The following NPEPPS variants were observed in gnomAD, a reference collection of about 807,000 sequenced individuals.
NPEPPS encodes the protein puromycin-sensitive aminopeptidase.
A neutral mutation model predicts 115.5 loss-of-function variants in NPEPPS; 14 were observed. That is an observed-to-expected ratio of 0.12 (90% confidence interval 0.08 to 0.19). The LOEUF is 0.19. Ranked by LOEUF, NPEPPS falls within the 10% of genes least tolerant of loss-of-function variation. The probability of loss-of-function intolerance (pLI) is 1.00; values close to 1 mark genes in which losing one functional copy is unlikely to be tolerated. For missense variants in NPEPPS, 523 were observed against 1,110.8 expected (o/e 0.47, Z 7.52); for synonymous variants, 285 against 390.6 (o/e 0.73, Z 3.19).
At chr17:47,563,379 A>G (rs1382940698) in intron 2 of NPEPPS, among the ~76,000 whole-genome samples, 2 of 152,086 alleles carry the variant, frequency 1.3e-5, no homozygotes, top group African/African-American at 4.8e-5. Context: ...TTTTACTTCT[A>G]TTTAATAGAT....
chr17:47,541,749 A>G (rs1437540404), intron 1 of NPEPPS, among the ~76,000 whole-genome samples: 1 of 152,172 alleles, frequency 6.6e-6, no homozygotes, highest in Non-Finnish European at 1.5e-5. Flanking sequence ...CTTTAGTGCT[A>G]TAAATCGCCA....
intron 13 of NPEPPS, 43 bp from the exon 14 acceptor site, chr17:47,599,633 A>G: frequency 6.6e-7 from 1 of 1,507,556 alleles, no homozygotes; most frequent in Non-Finnish European, 9.0e-7. Flanking sequence ...CCAAAACCCC[A>G]GATGGTGTCA....
intron 1 of NPEPPS, among the ~76,000 whole-genome samples, chr17:47,534,599 C>T (rs924499885): frequency 6.6e-6 from 1 of 152,016 alleles, no homozygotes; most frequent in African/African-American, 2.4e-5. Flanking sequence ...CGCTCTTTCT[C>T]CCAGGCTGGA....
At chr17:47,586,749 A>G (rs1437907286) in intron 8 of NPEPPS, 2 of 478,292 alleles carry the variant, frequency 4.2e-6, no homozygotes, top group Non-Finnish European at 8.2e-6. Context: ...ACCACAACAT[A>G]AACATGTGAG....
At chr17:47,576,843 C>A (rs1183421527) in intron 3 of NPEPPS, among the ~76,000 whole-genome samples, 2 of 152,042 alleles carry the variant, frequency 1.3e-5, no homozygotes, top group African/African-American at 4.8e-5. Flanking sequence ...TAAAATTAGA[C>A]AATTTGGCAA....
intron 17 of NPEPPS, among the ~76,000 whole-genome samples, chr17:47,606,275 A>G (rs149658893): frequency 2.6e-5 from 4 of 152,176 alleles, no homozygotes; most frequent in African/African-American, 7.2e-5. Context: ...GATTATTTCT[A>G]TAAGCATATA....
At chr17:47,562,211 T>A (rs1203441393) in intron 2 of NPEPPS, among the ~76,000 whole-genome samples, 1 of 152,248 alleles carries the variant, frequency 6.6e-6, no homozygotes, top group Admixed American at 6.5e-5. Flanking sequence ...ATGGGAACAC[T>A]GACTTGAAGC....
At chr17:47,527,472 G>A (rs1907481030), upstream of NPEPPS, among the ~76,000 whole-genome samples, 1 of 151,708 alleles carries the variant, frequency 6.6e-6, no homozygotes, top group Admixed American at 6.6e-5. Flanking sequence ...CAACAAGAGT[G>A]AAACTCCATC....
At chr17:47,525,152 G>C (rs1449761321) in intron 1 of NPEPPS, among the ~76,000 whole-genome samples, 1 of 152,064 alleles carries the variant, frequency 6.6e-6, no homozygotes, top group African/African-American at 2.4e-5. Context: ...TGGTCATCCA[G>C]TCATATTTAA....
chr17:47,544,711 C>CTTT (rs938067387), intron 1 of NPEPPS, among the ~76,000 whole-genome samples: 35 of 114,214 alleles, frequency 3.1e-4, no homozygotes, highest in Admixed American at 5.1e-4. Context: ...TTTTTGTATT[C>CTTT]TTTTTTTTTT....
intron 19 of NPEPPS, among the ~76,000 whole-genome samples, chr17:47,617,035 T>C (rs1914251593): frequency 6.6e-6 from 1 of 152,088 alleles, no homozygotes; most frequent in Admixed American, 6.6e-5. Flanking sequence ...AATTACAACA[T>C]TTTGTTTCTA....
In NPEPPS at chr17:47,603,902, G is replaced by T. The variant is rs1326822201; in HGVS notation, c.1741-13G>T. 3 of 1,596,522 alleles carry T rather than the reference G, an allele frequency of 1.9e-6. No individual in the cohort carries two copies. The highest frequency in any genetic ancestry group is 2.6e-6 in the Non-Finnish European group (3 of 1,170,626). Reference sequence around the variant, plus strand: ...TGGAGCTGTTTAATAGTACTTACTGGATATCTTTGCAGTTAAACTTAGGAA... The same window carrying T: ...TGGAGCTGTTTAATAGTACTTACTGTATATCTTTGCAGTTAAACTTAGGAA... On this transcript the variant is annotated splice_polypyrimidine_tract_variant and intron_variant, in intron 15 of 22. Transcript: ENST00000322157.
At chr17:47,529,497 C>T (rs1220271559), upstream of NPEPPS, among the ~76,000 whole-genome samples, 2 of 148,774 alleles carry the variant, frequency 1.3e-5, no homozygotes, top group African/African-American at 5.0e-5. Flanking sequence ...CTCCGCCTCC[C>T]GGGTTCAAGC....
intron 2 of NPEPPS, among the ~76,000 whole-genome samples, chr17:47,555,735 AC>A (rs1317253507): frequency 2.0e-5 from 3 of 151,434 alleles, no homozygotes; most frequent in Non-Finnish European, 4.4e-5. Flanking sequence ...ATTAGTAGAA[AC>A]TGATGTTTTC....
At chr17:47,618,743 T>A (rs755020247) in intron 20 of NPEPPS, among the ~76,000 whole-genome samples, 2 of 152,244 alleles carry the variant, frequency 1.3e-5, no homozygotes, top group Non-Finnish European at 2.9e-5. Context: ...ACTTTGTGTC[T>A]CTTCCTTTCT....
chr17:47,536,478 T>A (rs1244898079), intron 1 of NPEPPS, among the ~76,000 whole-genome samples: 2 of 147,812 alleles, frequency 1.4e-5, no homozygotes, highest in Non-Finnish European at 3.0e-5. Flanking sequence ...CCGCAGCCTC[T>A]GCCCCCCCAG....
At chr17:47,610,318 C>T (rs926258901) in intron 17 of NPEPPS, among the ~76,000 whole-genome samples, 1 of 151,960 alleles carries the variant, frequency 6.6e-6, no homozygotes, top group Non-Finnish European at 1.5e-5. Flanking sequence ...TTTATATCTC[C>T]TTCTTTCACT....
At chr17:47,532,834 G>A (rs1907922240) in intron 1 of NPEPPS, among the ~76,000 whole-genome samples, 1 of 152,070 alleles carries the variant, frequency 6.6e-6, no homozygotes, top group South Asian at 2.1e-4. Flanking sequence ...ATAGATGCCC[G>A]ACAAACATCC....
intron 4 of NPEPPS, chr17:47,581,304 C>A (rs1290028185): frequency 6.6e-6 from 1 of 152,070 alleles, no homozygotes; most frequent in Non-Finnish European, 1.5e-5. Flanking sequence ...ACTTGGTGAA[C>A]CCTATTGATT....
Sources: gnomAD v4.1 joint callset for allele counts (sites outside exome capture counted in the v4.1 genomes callset) on GRCh38, gnomAD v4.1.1 for gene constraint, MANE v1.5 for transcripts, NCBI Gene and HGNC (gene_info 2026-07-23, HGNC 2026-07-21) for gene names.